Variants in ENOX2 observed in about 807,000 individuals in gnomAD.
The protein encoded by ENOX2 is ecto-NOX disulfide-thiol exchanger 2.
ENOX2 carries 36 observed loss-of-function variants against 45.0 expected under a neutral mutation model. The observed-to-expected ratio is 0.80, with a 90% CI of 0.61 to 1.06. The LOEUF (loss-of-function observed/expected upper bound fraction) is 1.06. ENOX2 is among the 50% of genes least tolerant of loss of function. The pLI, the probability that ENOX2 is intolerant of heterozygous loss-of-function variation, is 0.00. For missense variants in ENOX2, 423 were observed against 462.5 expected (o/e 0.91, Z 0.78); for synonymous variants, 174 against 152.3 (o/e 1.14, Z -1.05).
chrX:130,713,094 T>A (rs186129180), intron 3 of ENOX2, among the ~76,000 whole-genome samples: 38 of 112,691 alleles, frequency 3.4e-4, no homozygotes, highest in Non-Finnish European at 6.8e-4. Flanking sequence ...AATGTTGGAA[T>A]TGGAATTCAA....
intron 3 of ENOX2, among the ~76,000 whole-genome samples, chrX:130,766,391 A>C (rs1308825494): frequency 8.9e-6 from 1 of 111,849 alleles, no homozygotes; most frequent in East Asian, 2.8e-4. Context: ...ATTTTCTCTC[A>C]GTTTGTAACT....
At chrX:130,846,935 T>A (rs2078117906) in intron 2 of ENOX2, among the ~76,000 whole-genome samples, 1 of 112,438 alleles carries the variant, frequency 8.9e-6, no homozygotes, top group South Asian at 3.7e-4. Flanking sequence ...ATTGAGGAAG[T>A]AGAGTTTTTC....
chrX:130,843,288 A>AT (rs1410477106), intron 2 of ENOX2, among the ~76,000 whole-genome samples: 2 of 111,043 alleles, frequency 1.8e-5, no homozygotes, highest in African/African-American at 6.6e-5. Flanking sequence ...ACCGAGCCCT[A>AT]CGGACTCTAC....
At chrX:130,692,451 C>T (rs1286005410) in intron 4 of ENOX2, among the ~76,000 whole-genome samples, 5 of 112,860 alleles carry the variant, frequency 4.4e-5, no homozygotes, top group African/African-American at 9.6e-5. Context: ...AAGTCCTTTT[C>T]GCAATAAATA....
chrX:130,888,702 T>A (rs747859615), intron 2 of ENOX2, among the ~76,000 whole-genome samples: 1 of 112,603 alleles, frequency 8.9e-6, no homozygotes, highest in African/African-American at 3.2e-5. Flanking sequence ...AGAACTAATA[T>A]AATTTCATGA....
intron 10 of ENOX2, chrX:130,645,904 T>C: frequency 1.5e-6 from 1 of 686,211 alleles, no homozygotes; most frequent in South Asian, 2.1e-5. Context: ...CCGTGGAAAG[T>C]GTAGTTTAAC....
chrX:130,894,554 T>C (rs776813434), intron 2 of ENOX2, among the ~76,000 whole-genome samples: 20 of 109,507 alleles, frequency 1.8e-4, no homozygotes, highest in Non-Finnish European at 3.2e-4. Flanking sequence ...TTTTTCTAAA[T>C]TGAAAGTATT....
In ENOX2 at chrX:130,802,034, A is replaced by T. The variant is rs139720341; in HGVS notation, c.-182-18344T>A. ...TCTATTTGCAGAAAATCACTTAAAT[A>T]CTTTTTTGACAGTGAGATTTCTGGC... On this transcript the variant is annotated intron_variant, in intron 2 of 14. Coordinates refer to ENST00000394363, the MANE Select transcript of ENOX2 (RefSeq NM_006375.4). Among the ~76,000 whole-genome samples, 46 of 111,892 alleles carry T rather than the reference A, an allele frequency of 4.1e-4. No homozygotes were observed. The East Asian group carries it at 0.013, about 31-fold the overall frequency.
chrX:130,701,137 A>G (rs747936852), intron 4 of ENOX2, among the ~76,000 whole-genome samples: 1 of 111,645 alleles, frequency 9.0e-6, no homozygotes, highest in East Asian at 2.8e-4. Flanking sequence ...CTTATATACG[A>G]TAACTTACAA....
chrX:130,694,600 C>CTT (rs1176052103), intron 4 of ENOX2, among the ~76,000 whole-genome samples: 41 of 86,170 alleles, frequency 4.8e-4, no homozygotes, highest in Middle Eastern at 6.5e-3. Flanking sequence ...CTTTTCTTTT[C>CTT]TTTTTTTTTT....
chrX:130,895,469 T>C (rs1335242077), intron 2 of ENOX2, among the ~76,000 whole-genome samples: 1 of 111,936 alleles, frequency 8.9e-6, no homozygotes, highest in Non-Finnish European at 1.9e-5. Context: ...GATTTCTCCA[T>C]CCTTATCTTT....
At chrX:130,701,849 ATTG>A in intron 4 of ENOX2, among the ~76,000 whole-genome samples, 1 of 112,317 alleles carries the variant, frequency 8.9e-6, no homozygotes, top group East Asian at 2.8e-4. Flanking sequence ...GTTCATTTCA[ATTG>A]TTGTTGTTCT....
chrX:130,894,283 A>C (rs923524885), intron 2 of ENOX2, among the ~76,000 whole-genome samples: 4 of 110,023 alleles, frequency 3.6e-5, no homozygotes, highest in Admixed American at 9.7e-5. Context: ...TAGATCCTTG[A>C]CCATGGCACA....
chrX:130,828,099 G>T (rs1437263989), intron 2 of ENOX2, among the ~76,000 whole-genome samples: 1 of 111,899 alleles, frequency 8.9e-6, no homozygotes, highest in East Asian at 2.8e-4. Context: ...CCACTAGAAC[G>T]GTGTAACCTG....
At chrX:130,874,985 C>T (rs1239004672) in intron 2 of ENOX2, among the ~76,000 whole-genome samples, 1 of 111,530 alleles carries the variant, frequency 9.0e-6, no homozygotes, top group East Asian at 2.8e-4. Flanking sequence ...AGGAATAATC[C>T]CAATCAAATG....
At chrX:130,643,575 T>A (rs2036147276) in intron 10 of ENOX2, among the ~76,000 whole-genome samples, 2 of 111,801 alleles carry the variant, frequency 1.8e-5, no homozygotes, top group Admixed American at 9.4e-5. Context: ...TTCAGAGCAA[T>A]GAAATTTATC....
chrX:130,694,633 G>A (rs1164093797), intron 4 of ENOX2, among the ~76,000 whole-genome samples: 1 of 91,176 alleles, frequency 1.1e-5, no homozygotes, highest in Non-Finnish European at 2.1e-5. Context: ...ATGGAGTCTC[G>A]CTCTTATCAT....
intron 3 of ENOX2, among the ~76,000 whole-genome samples, chrX:130,739,236 G>A (rs2038926371): frequency 8.9e-6 from 1 of 112,484 alleles, no homozygotes; most frequent in Non-Finnish European, 1.9e-5. Context: ...GTGGGCAGTG[G>A]CAGTGAGCTG....
At chrX:130,730,455 T>C (rs1013454021) in intron 3 of ENOX2, among the ~76,000 whole-genome samples, 23 of 112,148 alleles carry the variant, frequency 2.1e-4, no homozygotes, top group Non-Finnish European at 3.9e-4. Flanking sequence ...CCCAGGGTGG[T>C]TGGATGGTCT....
Sources: allele counts gnomAD v4.1 joint callset (sites outside exome capture counted in the v4.1 genomes callset), GRCh38; gene constraint gnomAD v4.1.1; transcripts MANE v1.5; gene names NCBI Gene and HGNC (gene_info 2026-07-23, HGNC 2026-07-21).